The following GRXCR1 variants were observed in gnomAD, a reference collection of about 807,000 sequenced individuals.
GRXCR1 encodes the protein glutaredoxin and cysteine rich domain containing 1.
In GRXCR1, 27 loss-of-function variants were observed where a neutral mutation model predicts 27.3. The ratio of observed to expected loss-of-function variants is 0.99; its 90% CI spans 0.73 to 1.37. The LOEUF (loss-of-function observed/expected upper bound fraction) is 1.37, where lower values mean the gene tolerates loss of function less well. GRXCR1 is among the 40% of genes most tolerant of loss of function. GRXCR1 has a pLI of 0.00. For synonymous variants in GRXCR1, 122 were observed against 131.1 expected (o/e 0.93, Z 0.47); for missense variants, 379 against 354.4 (o/e 1.07, Z -0.56).
intron 1 of GRXCR1, among the ~76,000 whole-genome samples, chr4:42,936,706 G>T (rs1379223071): frequency 1.3e-5 from 2 of 151,724 alleles, no homozygotes; most frequent in African/African-American, 4.8e-5. Flanking sequence ...GGCTTTTCTT[G>T]GTTTTGGTGA....
chr4:43,020,183 G>T (rs74380365), intron 2 of GRXCR1, among the ~76,000 whole-genome samples, 171 bp from the exon 3 acceptor site: 4,591 of 152,122 alleles, frequency 0.03, 73 homozygotes, highest in African/African-American at 0.036. Context: ...AGAGTATGTG[G>T]CAGTAAGGAA....
chr4:42,969,419 G>T (rs1418663574), intron 2 of GRXCR1, among the ~76,000 whole-genome samples: 1 of 152,122 alleles, frequency 6.6e-6, no homozygotes, highest in Non-Finnish European at 1.5e-5. Context: ...TTAACAGGAA[G>T]CACAGTTGGA....
intron 2 of GRXCR1, among the ~76,000 whole-genome samples, chr4:43,000,148 C>G (rs114919210): frequency 6.6e-6 from 1 of 152,292 alleles, no homozygotes; most frequent in African/African-American, 2.4e-5. Context: ...TCCAGTGTCT[C>G]CACACTATAC....
intron 1 of GRXCR1, among the ~76,000 whole-genome samples, 188 bp from the exon 2 acceptor site, chr4:42,962,704 A>G (rs1748151899): frequency 6.6e-6 from 1 of 152,030 alleles, no homozygotes; most frequent in Non-Finnish European, 1.5e-5. Flanking sequence ...ATTATGTAAT[A>G]TATTATATTG....
At chr4:43,020,485 A>T in intron 3 of GRXCR1, 66 bp downstream of exon 3, 3 of 1,010,152 alleles carry the variant, frequency 3.0e-6, no homozygotes, top group Non-Finnish European at 4.7e-6. Flanking sequence ...ATTATAATTG[A>T]GTTTTCCTAA....
intron 1 of GRXCR1, among the ~76,000 whole-genome samples, chr4:42,899,492 CTA>C (rs1442915381): frequency 2.6e-5 from 4 of 152,106 alleles, no homozygotes; most frequent in Non-Finnish European, 5.9e-5. Flanking sequence ...TTACCAGCCT[CTA>C]TGCATTCCTC....
intron 1 of GRXCR1, among the ~76,000 whole-genome samples, chr4:42,905,786 C>T (rs10018588): frequency 3.3e-5 from 5 of 152,068 alleles, no homozygotes; most frequent in African/African-American, 4.8e-5. Context: ...TAGTGTCTTA[C>T]GTTTCATGTG....
At chr4:43,021,084 A>G (rs1222588477) in intron 3 of GRXCR1, among the ~76,000 whole-genome samples, 1 of 152,150 alleles carries the variant, frequency 6.6e-6, no homozygotes, top group Non-Finnish European at 1.5e-5. Context: ...TTTCCAGGAG[A>G]AATAGGTCAT....
At position 43,030,384 on chromosome 4, in the gene GRXCR1, TC is replaced by T; in HGVS notation, c.720del (p.Ser241LeufsTer32). ...IERVQHPHEC[P>X]SCGGFGFLPC... Reference sequence around the variant, plus strand: ...AGAGAGTACAGCATCCACATGAGTGTCCCTCTTGTGGAGGCTTTGGCTTTCT... The same window carrying T: ...AGAGAGTACAGCATCCACATGAGTGTCCTCTTGTGGAGGCTTTGGCTTTCT... On this transcript the variant is annotated frameshift_variant, in exon 4 of 4. Coordinates refer to ENST00000399770, the MANE Select transcript of GRXCR1 (RefSeq NM_001080476.3). LOFTEE classifies it high-confidence loss of function. 1 of 1,613,836 alleles carries T rather than the reference TC, an allele frequency of 6.2e-7. No homozygotes were observed.
intron 1 of GRXCR1, 43 bp downstream of exon 1, chr4:42,893,693 T>A (rs1185227340): frequency 6.3e-7 from 1 of 1,590,310 alleles, no homozygotes. Context: ...TGTTCCTAAC[T>A]CACCATCTGA....
intron 1 of GRXCR1, among the ~76,000 whole-genome samples, chr4:42,901,541 T>C (rs890743079): frequency 1.2e-4 from 18 of 152,274 alleles, no homozygotes; most frequent in Admixed American, 1.0e-3. Context: ...TCTTCATGAT[T>C]ACGTTGGGCC....
intron 2 of GRXCR1, among the ~76,000 whole-genome samples, chr4:42,992,646 A>G (rs1177397012): frequency 6.6e-6 from 1 of 152,132 alleles, no homozygotes; most frequent in African/African-American, 2.4e-5. Flanking sequence ...CCTCAAAGCC[A>G]TTAGAAAGCC....
At chr4:42,984,936 G>A (rs1711659053) in intron 2 of GRXCR1, among the ~76,000 whole-genome samples, 1 of 152,158 alleles carries the variant, frequency 6.6e-6, no homozygotes, top group Admixed American at 6.5e-5. Context: ...GGCTGAGGGA[G>A]GCTACCTGAT....
At chr4:42,942,235 T>C (rs1238065919) in intron 1 of GRXCR1, among the ~76,000 whole-genome samples, 1 of 152,058 alleles carries the variant, frequency 6.6e-6, no homozygotes, top group African/African-American at 2.4e-5. Flanking sequence ...GGATGCATTG[T>C]GAAACATATA....
At chr4:43,024,195 T>C (rs1713181370) in intron 3 of GRXCR1, among the ~76,000 whole-genome samples, 2 of 117,870 alleles carry the variant, frequency 1.7e-5, no homozygotes, top group African/African-American at 6.8e-5. Flanking sequence ...CCATTTTCTG[T>C]CCTTTTTTTT....
chr4:42,983,535 G>A (rs1164374298), intron 2 of GRXCR1, among the ~76,000 whole-genome samples: 11 of 151,532 alleles, frequency 7.3e-5, no homozygotes, highest in Non-Finnish European at 1.6e-4. Context: ...ACTTGGCGAT[G>A]CGGGCTCTTT....
intron 2 of GRXCR1, among the ~76,000 whole-genome samples, chr4:42,984,949 T>C (rs1294847129): frequency 6.6e-6 from 1 of 152,132 alleles, no homozygotes. Flanking sequence ...TACCTGATTC[T>C]AATATTTAGT....
chr4:42,926,684 C>T (rs1219771075), intron 1 of GRXCR1, among the ~76,000 whole-genome samples: 2 of 151,806 alleles, frequency 1.3e-5, no homozygotes, highest in Non-Finnish European at 2.9e-5. Context: ...ATATTTGACA[C>T]CAAAACCTGT....
At chr4:42,912,333 G>A (rs1746740170) in intron 1 of GRXCR1, among the ~76,000 whole-genome samples, 1 of 152,142 alleles carries the variant, frequency 6.6e-6, no homozygotes, top group African/African-American at 2.4e-5. Flanking sequence ...TATTGAAAAG[G>A]ACCTGAAGAT....
Sources: allele counts gnomAD v4.1 joint callset (sites outside exome capture counted in the v4.1 genomes callset), GRCh38; gene constraint gnomAD v4.1.1; transcripts MANE v1.5; gene names NCBI Gene and HGNC (gene_info 2026-07-23, HGNC 2026-07-21).